The following PRDM5 variants were observed in gnomAD, a reference collection of about 807,000 sequenced individuals.
PRDM5 encodes the protein PR domain zinc finger protein 5.
Under a neutral mutation model 81.2 loss-of-function variants are expected in PRDM5, and 56 were observed. The ratio of observed to expected loss-of-function variants is 0.69; its 90% CI spans 0.56 to 0.86. The LOEUF is 0.86. PRDM5 is among the 40% of genes least tolerant of loss of function. The probability of loss-of-function intolerance (pLI) is 0.00; values close to 1 mark genes in which losing one functional copy is unlikely to be tolerated. For missense variants in PRDM5, 697 were observed against 770.1 expected, an observed-to-expected ratio of 0.91 and a Z score of 1.12; for synonymous variants, 267 against 256.4, an observed-to-expected ratio of 1.04 and a Z score of -0.39.
intron 2 of PRDM5, among the ~76,000 whole-genome samples, chr4:120,904,062 C>T (rs181700451): frequency 8.0e-4 from 122 of 151,786 alleles, no homozygotes; most frequent in African/African-American, 2.8e-3. Context: ...TGGTGGCATG[C>T]ACCTGTAATC....
intron 1 of PRDM5, among the ~76,000 whole-genome samples, chr4:120,910,033 T>C (rs1766320302): frequency 6.6e-6 from 1 of 151,452 alleles, no homozygotes; most frequent in Non-Finnish European, 1.5e-5. Flanking sequence ...TGTATAAATT[T>C]CTTCATATTT....
rs761036268 is a variant in PRDM5 at position 120,922,539 on chromosome 4, A to G, written c.70T>C (p.Tyr24His). The change falls in exon 1 of 16, where the codon TAC (tyrosine) becomes CAC (histidine). Residue 24 changes from tyrosine (Y) to histidine (H), a missense_variant. By Grantham distance (83) the Tyr-to-His change is moderately conservative (BLOSUM62 2). Around this residue, in one of 3 missense-constraint regions of PRDM5, gnomAD observed 577 missense variants for 606.7 expected, o/e 0.95. Coordinates refer to ENST00000264808, the MANE Select transcript of PRDM5 (RefSeq NM_018699.4). ...SSRVQDGMGL[Y>H]TARRVRKGEK... ...ACCTTTCGCACTCTGCGGGCCGTGT[A>G]GAGCCCCATGCCGTCCTGAACCCGG... 2 of 1,609,544 alleles carry G rather than the reference A, an allele frequency of 1.2e-6. No individual in the cohort carries two copies. The highest frequency in any genetic ancestry group is 1.1e-5 in the South Asian group (1 of 90,676).
At chr4:120,708,801 A>C (rs936601813) in intron 15 of PRDM5, among the ~76,000 whole-genome samples, 3 of 152,096 alleles carry the variant, frequency 2.0e-5, no homozygotes, top group African/African-American at 7.2e-5. Flanking sequence ...GCTCTTTAAG[A>C]GGGAGAGAGA....
At chr4:120,919,953 T>C (rs1724687240) in intron 1 of PRDM5, among the ~76,000 whole-genome samples, 1 of 152,032 alleles carries the variant, frequency 6.6e-6, no homozygotes, top group Non-Finnish European at 1.5e-5. Context: ...ATTTTTATAC[T>C]GGAAAAAAAA....
intron 13 of PRDM5, among the ~76,000 whole-genome samples, chr4:120,757,668 AG>A (rs1483814464): frequency 6.6e-6 from 1 of 152,170 alleles, no homozygotes; most frequent in South Asian, 2.1e-4. Context: ...AAAAAGATGG[AG>A]GAAAAGTGAA....
chr4:120,858,610 T>C (rs1271990750), intron 2 of PRDM5, among the ~76,000 whole-genome samples: 2 of 151,580 alleles, frequency 1.3e-5, no homozygotes, highest in African/African-American at 2.4e-5. Context: ...CACACACCAT[T>C]GTAGCTTATC....
chr4:120,755,382 T>A (rs925312518), intron 13 of PRDM5, among the ~76,000 whole-genome samples: 10 of 152,212 alleles, frequency 6.6e-5, no homozygotes. Context: ...GGACAGTAGC[T>A]CAAAATCACT....
chr4:120,922,483 C>T lies in PRDM5; in HGVS notation c.93+33G>A, dbSNP rs369323461. On this transcript the variant is annotated intron_variant, in intron 1 of 15. Transcript: ENST00000264808. ...CGGGAGGCACAGGGCGCGCGAGGTG[C>T]AGGGGCGCGCAGGCCGCCGCCGGGT... 3.7e-4 allele frequency: 585 copies of T among 1,570,704 alleles called. 1 individual carries two copies. Among genetic ancestry groups the T allele is most frequent in the Non-Finnish European group, 4.5e-4 (520 of 1,160,092 alleles).
chr4:120,731,943 C>G (rs1478970899), intron 14 of PRDM5, among the ~76,000 whole-genome samples: 1 of 152,092 alleles, frequency 6.6e-6, no homozygotes, highest in Non-Finnish European at 1.5e-5. Flanking sequence ...TTTCTGACAC[C>G]AAGCTGGTTG....
intron 2 of PRDM5, chr4:120,896,373 A>C (rs1015421939): frequency 6.6e-6 from 1 of 152,178 alleles, no homozygotes; most frequent in Non-Finnish European, 1.5e-5. Context: ...TTTTTCAGCA[A>C]AATAAAAATC....
At chr4:120,689,258 C>T (rs1296615464), downstream of PRDM5, among the ~76,000 whole-genome samples, 1 of 152,038 alleles carries the variant, frequency 6.6e-6, no homozygotes, top group Non-Finnish European at 1.5e-5. Context: ...AATTTGAGTC[C>T]AGGAACAAAA....
At chr4:120,834,347 G>A (rs560383555) in intron 3 of PRDM5, among the ~76,000 whole-genome samples, 1 of 152,188 alleles carries the variant, frequency 6.6e-6, no homozygotes, top group East Asian at 1.9e-4. Flanking sequence ...AATGGGATTA[G>A]TGCCCTTATA....
intron 1 of PRDM5, among the ~76,000 whole-genome samples, chr4:120,914,962 A>C (rs1051597276): frequency 7.9e-5 from 12 of 152,148 alleles, no homozygotes; most frequent in Non-Finnish European, 1.5e-4. Context: ...TGGGTACACA[A>C]AGGCATACAG....
intron 13 of PRDM5, among the ~76,000 whole-genome samples, chr4:120,759,413 C>T (rs1360076786): frequency 6.6e-6 from 1 of 152,176 alleles, no homozygotes; most frequent in East Asian, 1.9e-4. Flanking sequence ...CTCTTTTGGA[C>T]TCCGAGGACA....
At chr4:120,761,700 A>T (rs1393002456) in intron 13 of PRDM5, among the ~76,000 whole-genome samples, 1 of 152,190 alleles carries the variant, frequency 6.6e-6, no homozygotes, top group Non-Finnish European at 1.5e-5. Flanking sequence ...TTTCGAAAAA[A>T]TCTATGTTTA....
intron 2 of PRDM5, among the ~76,000 whole-genome samples, chr4:120,866,812 T>C (rs1485032029): frequency 6.6e-6 from 1 of 152,126 alleles, no homozygotes; most frequent in Non-Finnish European, 1.5e-5. Context: ...GCCTTCCCAT[T>C]TGAGTATGAA....
intron 3 of PRDM5, among the ~76,000 whole-genome samples, chr4:120,834,239 C>T (rs1381512382): frequency 6.6e-6 from 1 of 151,954 alleles, no homozygotes; most frequent in East Asian, 1.9e-4. Flanking sequence ...TATTTGTGTC[C>T]CCCCAAATTC....
chr4:120,699,161 A>AATATATATATATATAT (rs70948358), intron 15 of PRDM5, among the ~76,000 whole-genome samples: 16 of 73,472 alleles, frequency 2.2e-4, no homozygotes, highest in South Asian at 1.1e-3. Context: ...AGGAAATATA[A>AATATATATATATATAT]ATATATATAT....
chr4:120,708,897 G>A (rs992981441), intron 15 of PRDM5, among the ~76,000 whole-genome samples: 1 of 152,138 alleles, frequency 6.6e-6, no homozygotes, highest in African/African-American at 2.4e-5. Flanking sequence ...GTTCTATACT[G>A]AGCAGTCTGC....
Sources: gnomAD v4.1 joint callset for allele counts (sites outside exome capture counted in the v4.1 genomes callset) on GRCh38, gnomAD v4.1.1 for gene constraint, gnomAD v4.1.1 regional missense constraint, MANE v1.5 for transcripts, NCBI Gene and HGNC (gene_info 2026-07-23, HGNC 2026-07-21) for gene names.